Variants in VPS13B observed in about 807,000 individuals in gnomAD.
VPS13B encodes intermembrane lipid transfer protein VPS13B.
A neutral mutation model predicts 426.4 loss-of-function variants in VPS13B; 285 were observed. The ratio of observed to expected loss-of-function variants is 0.67; its 90% CI spans 0.61 to 0.74. The LOEUF is 0.74. Ranked by LOEUF, VPS13B falls within the 30% of genes least tolerant of loss-of-function variation. The pLI, the probability that VPS13B is intolerant of heterozygous loss-of-function variation, is 0.00. For synonymous variants in VPS13B, 1,676 were observed against 1,676.4 expected (o/e 1.00, Z 0.01); for missense variants, 4,537 against 4,782.6 (o/e 0.95, Z 1.51).
chr8:99,819,787 A>G, intron 48 of VPS13B, 134 bp from the exon 49 acceptor site: 1 of 1,302,548 alleles, frequency 7.7e-7, no homozygotes, highest in Non-Finnish European at 1.1e-6. Context: ...CTGCATGCAA[A>G]TTTAGCATTG....
intron 24 of VPS13B, among the ~76,000 whole-genome samples, chr8:99,471,413 A>G (rs996295123): frequency 2.0e-5 from 3 of 152,156 alleles, no homozygotes; most frequent in Middle Eastern, 6.3e-3. Flanking sequence ...AAGTTTCTAC[A>G]TATCATATGA....
Position 99,301,299 on chromosome 8 carries a change from CT to C in VPS13B, c.2824+26058del, listed in dbSNP as rs772725181. ...GAGTCCCATCTTGTTTTCTTTCTTT[CT>C]TTTTTTTTTTTTGACTGAGTTTTGC... On this transcript the variant is annotated intron_variant, in intron 19 of 61. Coordinates refer to ENST00000357162, the MANE Select transcript of VPS13B (RefSeq NM_152564.5). Among the ~76,000 whole-genome samples, 1,409 of 141,400 alleles carry C rather than the reference CT, an allele frequency of 1.0e-2. 10 individuals are homozygous for C. Among genetic ancestry groups the C allele is most frequent in the African/African-American group, 0.022 (864 of 38,780 alleles). 92.8% of individuals were successfully genotyped at this position (141,400 alleles called of 152,430 possible).
chr8:99,339,855 T>C (rs1053935824), intron 19 of VPS13B, among the ~76,000 whole-genome samples: 2 of 152,176 alleles, frequency 1.3e-5, no homozygotes, highest in African/African-American at 4.8e-5. Context: ...TTTCCAAATA[T>C]AAACTAAAAT....
intron 57 of VPS13B, among the ~76,000 whole-genome samples, chr8:99,860,766 G>A (rs910319039): frequency 6.6e-6 from 1 of 152,234 alleles, no homozygotes; most frequent in Non-Finnish European, 1.5e-5. Context: ...ACTAAGATGT[G>A]TGCAGACCTG....
intron 35 of VPS13B, among the ~76,000 whole-genome samples, chr8:99,684,344 A>G (rs1021224943): frequency 6.6e-6 from 1 of 152,204 alleles, no homozygotes; most frequent in South Asian, 2.1e-4. Flanking sequence ...CTCCTCTTCT[A>G]TTTCCTGGAG....
At chr8:99,379,204 C>A (rs934676655) in intron 19 of VPS13B, among the ~76,000 whole-genome samples, 1 of 152,172 alleles carries the variant, frequency 6.6e-6, no homozygotes, top group Non-Finnish European at 1.5e-5. Flanking sequence ...CTCCACCCCC[C>A]AAATCCGTGG....
At chr8:99,491,637 T>C (rs1820608825) in intron 25 of VPS13B, among the ~76,000 whole-genome samples, 1 of 152,176 alleles carries the variant, frequency 6.6e-6, no homozygotes, top group Admixed American at 6.5e-5. Flanking sequence ...ATATCCTTTC[T>C]TCCACTTGAT....
At chr8:99,166,545 A>G (rs1812015136) in intron 15 of VPS13B, among the ~76,000 whole-genome samples, 1 of 152,246 alleles carries the variant, frequency 6.6e-6, no homozygotes, top group South Asian at 2.1e-4. Flanking sequence ...GACTTTTGCA[A>G]TAAGAACCAC....
chr8:99,507,109 A>G, intron 27 of VPS13B, 28 bp from the exon 28 acceptor site: 20 of 1,613,498 alleles, frequency 1.2e-5, no homozygotes, highest in Non-Finnish European at 1.7e-5. Context: ...ATTGAAGAGA[A>G]CAGATAAGGT....
chr8:99,493,670 G>A (rs1020283581), intron 25 of VPS13B, among the ~76,000 whole-genome samples: 5 of 151,182 alleles, frequency 3.3e-5, no homozygotes, highest in African/African-American at 1.2e-4. Context: ...CTGTAATCCC[G>A]ATTCGGGAGG....
Position 99,578,420 on chromosome 8 carries a change from C to T in VPS13B, c.5220+787C>T, listed in dbSNP as rs544202803. On this transcript the variant is annotated intron_variant, in intron 33 of 61. Coordinates refer to ENST00000357162, the MANE Select transcript of VPS13B (RefSeq NM_152564.5). ...TCAAGTCAGCACTGTTTCCATTCTGCCACAGATTATGTATTATAACTGTGA... is the reference window on the plus strand; with the variant it reads ...TCAAGTCAGCACTGTTTCCATTCTGTCACAGATTATGTATTATAACTGTGA... Among the ~76,000 whole-genome samples, 8 of 152,134 alleles carry T rather than the reference C, an allele frequency of 5.3e-5. No individual in the cohort carries two copies. In the East Asian group the frequency reaches 7.7e-4, roughly 15 times the overall value.
Position 99,776,837 on chromosome 8 carries a change from C to T in VPS13B, c.7310C>T (p.Ala2437Val). ...CDPLVTPTAL[A>V]ACTRVDSCFT... ...CCACTTGTGACTCCAACAGCCCTGG[C>T]TGCCTGTACCAGAGTTGACTCCTGC... Residue 2437 changes from alanine (A) to valine (V), a missense_variant, in exon 41 of 62, where the codon GCT (alanine) becomes GTT (valine). Coordinates refer to ENST00000357162, the MANE Select transcript of VPS13B (RefSeq NM_152564.5). The T allele has an allele frequency of 1.2e-6, 2 of 1,614,076 alleles. No homozygotes were observed. The highest frequency in any genetic ancestry group is 1.7e-6 in the Non-Finnish European group (2 of 1,179,956).
chr8:99,029,614 A>T (rs1269356470), intron 2 of VPS13B, among the ~76,000 whole-genome samples: 5 of 152,090 alleles, frequency 3.3e-5, no homozygotes, highest in Admixed American at 2.6e-4. Context: ...TCCACCAAAA[A>T]AAAAAACGAA....
At chr8:99,522,283 G>A (rs1357517088) in intron 30 of VPS13B, among the ~76,000 whole-genome samples, 2 of 152,004 alleles carry the variant, frequency 1.3e-5, no homozygotes, top group Non-Finnish European at 2.9e-5. Context: ...AGAAGTAAGT[G>A]GTCCTAAAAT....
intron 39 of VPS13B, among the ~76,000 whole-genome samples, chr8:99,742,670 C>T (rs952751429): frequency 5.9e-5 from 9 of 152,258 alleles, no homozygotes; most frequent in Non-Finnish European, 1.0e-4. Flanking sequence ...GCTGGTTCAA[C>T]ATACGCAAAT....
intron 17 of VPS13B, chr8:99,233,089 T>G (rs1816434771): frequency 7.3e-7 from 1 of 1,373,872 alleles, no homozygotes; most frequent in Non-Finnish European, 1.0e-6. Flanking sequence ...AGGGTATTTC[T>G]ACTCCTGCTG....
intron 5 of VPS13B, among the ~76,000 whole-genome samples, chr8:99,103,586 C>A (rs1167525128): frequency 6.6e-6 from 1 of 151,034 alleles, no homozygotes; most frequent in East Asian, 1.9e-4. Flanking sequence ...GCAAGTTCCA[C>A]CTCCCCGGGT....
At chr8:99,487,589 C>G (rs1265615997) in intron 25 of VPS13B, among the ~76,000 whole-genome samples, 2 of 152,140 alleles carry the variant, frequency 1.3e-5, no homozygotes, top group East Asian at 1.9e-4. Flanking sequence ...CTATCCCCAT[C>G]GAACAACTCT....
At chr8:99,224,607 A>G (rs957470386) in intron 17 of VPS13B, among the ~76,000 whole-genome samples, 1 of 152,080 alleles carries the variant, frequency 6.6e-6, no homozygotes, top group Non-Finnish European at 1.5e-5. Flanking sequence ...GTTTCTTTTT[A>G]CTCACTTTTA....
Sources: allele counts gnomAD v4.1 joint callset (sites outside exome capture counted in the v4.1 genomes callset), GRCh38; gene constraint gnomAD v4.1.1; transcripts MANE v1.5; gene names NCBI Gene and HGNC (gene_info 2026-07-23, HGNC 2026-07-21).